The following DNER variants were observed in gnomAD, a reference collection of about 807,000 sequenced individuals.
DNER encodes delta/notch like EGF repeat containing.
DNER carries 33 observed loss-of-function variants against 78.2 expected under a neutral mutation model. That is an observed-to-expected ratio of 0.42 (90% CI 0.32 to 0.56). DNER has a LOEUF of 0.56. Ranked by LOEUF, DNER falls within the 20% of genes least tolerant of loss-of-function variation. The pLI is 0.11. For missense variants in DNER, 918 were observed against 975.3 expected, an observed-to-expected ratio of 0.94 and a Z score of 0.78; for synonymous variants, 417 against 384.8, an observed-to-expected ratio of 1.08 and a Z score of -0.98.
chr2:229,609,980 A>G, intron 1 of DNER, among the ~76,000 whole-genome samples: 1 of 152,234 alleles, frequency 6.6e-6, no homozygotes, highest in East Asian at 1.9e-4. Context: ...TTTTGCCATG[A>G]GAAAAATCAA....
intron 6 of DNER, among the ~76,000 whole-genome samples, chr2:229,485,307 A>G (rs1006811679): frequency 6.6e-6 from 1 of 152,222 alleles, no homozygotes; most frequent in African/African-American, 2.4e-5. Flanking sequence ...CATAGGAAGC[A>G]AAGCCTGGCA....
chr2:229,602,553 T>A (rs753882860), intron 1 of DNER, among the ~76,000 whole-genome samples: 1 of 152,156 alleles, frequency 6.6e-6, no homozygotes, highest in Non-Finnish European at 1.5e-5. Flanking sequence ...AATTACAGAC[T>A]GTATGATTAT....
intron 8 of DNER, among the ~76,000 whole-genome samples, chr2:229,440,681 C>T (rs991802050): frequency 6.6e-6 from 1 of 152,232 alleles, no homozygotes; most frequent in African/African-American, 2.4e-5. Flanking sequence ...GAACCATTTA[C>T]CGACACATCC....
chr2:229,633,424 C>T (rs1474085878), intron 1 of DNER, among the ~76,000 whole-genome samples: 1 of 152,146 alleles, frequency 6.6e-6, no homozygotes, highest in Non-Finnish European at 1.5e-5. Context: ...GGATATTTTT[C>T]TCTTTCTTGC....
intron 6 of DNER, among the ~76,000 whole-genome samples, chr2:229,486,974 C>A (rs1013210774): frequency 1.3e-5 from 2 of 152,148 alleles, no homozygotes; most frequent in African/African-American, 2.4e-5. Context: ...AGTTTGAAAA[C>A]CACCATCTGG....
chr2:229,416,770 C>A (rs1456853278), intron 9 of DNER, among the ~76,000 whole-genome samples: 1 of 152,072 alleles, frequency 6.6e-6, no homozygotes, highest in East Asian at 1.9e-4. Context: ...CTTGAGACCC[C>A]AAATCTTCAG....
chr2:229,517,304 G>A lies in DNER; in HGVS notation c.994-4368C>T, dbSNP rs144426846. On this transcript the variant is annotated intron_variant, in intron 5 of 12. Transcript: ENST00000341772. ...CTCCTGGGGTTTATATTCTAGTAGC[G>A]TTGACTGACAATGAATAAAATGAAT... is the stretch of plus-strand genomic sequence containing the variant. Among the ~76,000 whole-genome samples the A allele has an allele frequency of 8.0e-3, 1,214 of 152,200 alleles. 12 individuals are homozygous for A. Among genetic ancestry groups the A allele is most frequent in the African/African-American group, 0.028 (1,156 of 41,522 alleles).
chr2:229,477,063 C>A, intron 7 of DNER, 77 bp downstream of exon 7: 1 of 1,192,212 alleles, frequency 8.4e-7, no homozygotes. Flanking sequence ...TTTGCAGAAA[C>A]AAAGTATAAG....
chr2:229,654,424 A>G lies in DNER; in HGVS notation c.276+59724T>C, dbSNP rs776087661. Reference sequence around the variant, plus strand: ...CAAATGTCCAGCAAAGTTGTCTTAAATCCATATTTTAGGGAGAGATTCAGG... The same window carrying G: ...CAAATGTCCAGCAAAGTTGTCTTAAGTCCATATTTTAGGGAGAGATTCAGG... On this transcript the variant is annotated intron_variant, in intron 1 of 12. Coordinates refer to ENST00000341772, the MANE Select transcript of DNER (RefSeq NM_139072.4). 8.9e-4 allele frequency among the ~76,000 whole-genome samples: 135 copies of G among 152,332 alleles called. 1 individual carries two copies. In the Middle Eastern group the frequency reaches 0.01, roughly 12 times the overall value.
In DNER at chr2:229,557,902, A is replaced by T. The variant is rs140378240; in HGVS notation, c.848-10810T>A. On this transcript the variant is annotated intron_variant, in intron 4 of 12. Transcript: ENST00000341772. Reference sequence around the variant, plus strand: ...GTATATAGCCAAAGAAATATAGATTATTCTATTATAAAGACACCTACATGT... The same window carrying T: ...GTATATAGCCAAAGAAATATAGATTTTTCTATTATAAAGACACCTACATGT... Among the ~76,000 whole-genome samples, 6 of 152,328 alleles carry T rather than the reference A, an allele frequency of 3.9e-5. No homozygotes were observed. In the East Asian group the frequency reaches 1.2e-3, roughly 29 times the overall value.
chr2:229,530,849 G>A (rs114928673), intron 5 of DNER, among the ~76,000 whole-genome samples: 2,368 of 152,276 alleles, frequency 0.016, 65 homozygotes, highest in African/African-American at 0.054. Flanking sequence ...TGATTCCCCT[G>A]TTACCGATCA....
rs763985506 is a variant in DNER, at chr2:229,358,636, G to T, written c.2118C>A (p.Ser706=). ...SIRHARFGKK[S]RPAMYDVSPI... Reference sequence around the variant, plus strand: ...GGCTCACATCATACATTGCAGGCCGGGATTTCTTTCCAAACCTGAAATCAG... The same window carrying T: ...GGCTCACATCATACATTGCAGGCCGTGATTTCTTTCCAAACCTGAAATCAG... The change falls in exon 13 of 13, where the codon TCC becomes TCA. Residue 706 remains serine, a synonymous_variant. Transcript: ENST00000341772. The T allele has an allele frequency of 3.1e-6, 5 of 1,613,422 alleles. No individual in the cohort carries two copies. The South Asian group carries it at 4.4e-5, about 14-fold the overall frequency.
chr2:229,714,460 G>T lies in DNER; in HGVS notation c.-37C>A. On this transcript the variant is annotated 5_prime_UTR_variant, in exon 1 of 13. Transcript: ENST00000341772. Reference sequence around the variant, plus strand: ...AGGGCGCGGGAGCCGGAGCCAGGACGCAGTGACGGCGGCGGCGGTGGCAGT... The same window carrying T: ...AGGGCGCGGGAGCCGGAGCCAGGACTCAGTGACGGCGGCGGCGGTGGCAGT... The T allele has an allele frequency of 9.0e-7, 1 of 1,105,318 alleles. No homozygotes were observed. Among genetic ancestry groups the T allele is most frequent in the Non-Finnish European group, 1.1e-6 (1 of 909,622 alleles). 68.5% of individuals were successfully genotyped at this position (1,105,318 alleles called of 1,614,324 possible). A position where few individuals can be genotyped will look rare whatever the true frequency, so the allele number is the denominator to read the frequency against.
intron 7 of DNER, among the ~76,000 whole-genome samples, chr2:229,472,196 G>A (rs578156117): frequency 2.0e-5 from 3 of 152,128 alleles, no homozygotes; most frequent in Non-Finnish European, 4.4e-5. Context: ...TACCTTTAAT[G>A]CTTTTAAAAT....
intron 1 of DNER, among the ~76,000 whole-genome samples, chr2:229,676,871 C>G (rs1323019526): frequency 6.6e-6 from 1 of 152,160 alleles, no homozygotes; most frequent in Admixed American, 6.5e-5. Context: ...ACCATGCTCA[C>G]AGTAATATAC....
chr2:229,706,722 C>A (rs914146003), intron 1 of DNER, among the ~76,000 whole-genome samples: 1 of 152,134 alleles, frequency 6.6e-6, no homozygotes, highest in Admixed American at 6.5e-5. Context: ...ATCTGGATTT[C>A]ATATAACTTT....
chr2:229,407,316 A>C lies in DNER; in HGVS notation c.1639T>G (p.Cys547Gly), dbSNP rs752649874. 1 of 1,613,956 alleles carries C rather than the reference A, an allele frequency of 6.2e-7. No homozygotes were observed. The highest frequency in any genetic ancestry group is 2.2e-5 in the East Asian group (1 of 44,874). The change falls in exon 10 of 13, where the codon TGC becomes GGC. Residue 547 changes from cysteine (C) to glycine (G), a missense_variant. Coordinates refer to ENST00000341772, the MANE Select transcript of DNER (RefSeq NM_139072.4). ...GTHCELYKDP[C>G]ANVSCLNGAT... ...CCGTTCAGACAGCTGACGTTAGCGCAGGGATCCTTGTACAATTCACAGTGT... is the reference window on the plus strand; with the variant it reads ...CCGTTCAGACAGCTGACGTTAGCGCCGGGATCCTTGTACAATTCACAGTGT...
chr2:229,584,841 G>C (rs888882119), intron 4 of DNER, among the ~76,000 whole-genome samples: 1 of 151,336 alleles, frequency 6.6e-6, no homozygotes, highest in Non-Finnish European at 1.5e-5. Flanking sequence ...GGCTGAGGCA[G>C]GGGAATTGCT....
At chr2:229,665,300 T>C (rs1699070015) in intron 1 of DNER, among the ~76,000 whole-genome samples, 1 of 152,178 alleles carries the variant, frequency 6.6e-6, no homozygotes, top group South Asian at 2.1e-4. Flanking sequence ...AAGAAAGCCA[T>C]AGTGCCAAGG....
Sources: allele counts gnomAD v4.1 joint callset (sites outside exome capture counted in the v4.1 genomes callset), GRCh38; gene constraint gnomAD v4.1.1; transcripts MANE v1.5; gene names NCBI Gene and HGNC (gene_info 2026-07-23, HGNC 2026-07-21).